Variants in MYO16 observed in about 807,000 individuals in gnomAD.
MYO16 encodes myosin XVI.
In MYO16, 94 loss-of-function variants were observed where a neutral mutation model predicts 205.3. That is an observed-to-expected ratio of 0.46 (90% confidence interval 0.39 to 0.54). MYO16 has a LOEUF of 0.54. MYO16 is among the 20% of genes least tolerant of loss of function. The pLI is 0.00. For synonymous variants in MYO16, 988 were observed against 954.0 expected (o/e 1.04, Z -0.66); for missense variants, 2,315 against 2,387.5 (o/e 0.97, Z 0.63).
Position 108,801,148 on chromosome 13 carries a change from T to TA in MYO16, c.742-5525dup, listed in dbSNP as rs1244642864. Among the ~76,000 whole-genome samples the TA allele has an allele frequency of 5.9e-5, 9 of 152,292 alleles. No homozygotes were observed. In the South Asian group the frequency reaches 1.0e-3, roughly 18 times the overall value. ...TATGCCGAGTTCATAGAAATTAATTTAAAAAACCACCTCTTACTAGAAAAT... is the reference window on the plus strand; with the variant it reads ...TATGCCGAGTTCATAGAAATTAATTTAAAAAAACCACCTCTTACTAGAAAAT... On this transcript the variant is annotated intron_variant, in intron 6 of 34. Transcript: ENST00000457511.
chr13:108,546,933 G>GA, the MYO16 span, among the ~76,000 whole-genome samples: 1 of 152,142 alleles, frequency 6.6e-6, no homozygotes, highest in Admixed American at 6.5e-5. Context: ...GAAAGGCATA[G>GA]AACAGAATCA....
intron 4 of MYO16, among the ~76,000 whole-genome samples, chr13:108,736,023 C>A (rs1314862650): frequency 2.6e-5 from 4 of 151,806 alleles, no homozygotes; most frequent in Non-Finnish European, 5.9e-5. Context: ...TGTTTGAGTT[C>A]TTTGTAGATC....
chr13:109,048,520 C>A lies in MYO16; in HGVS notation c.2872+1529C>A, dbSNP rs1594501059. 1.6e-5 allele frequency: 7 copies of A among 446,260 alleles called. No individual in the cohort carries two copies. The East Asian group carries it at 2.2e-4, about 14-fold the overall frequency. 27.6% of individuals were successfully genotyped at this position (446,260 alleles called of 1,614,324 possible). ...TTATAATGTGAAAAACAGCTGTAGACAATACAAATGGATGTGACTGTATTC... is the reference window on the plus strand; with the variant it reads ...TTATAATGTGAAAAACAGCTGTAGAAAATACAAATGGATGTGACTGTATTC... On this transcript the variant is annotated intron_variant, in intron 24 of 34. Coordinates refer to ENST00000457511, the MANE Select transcript of MYO16 (RefSeq NM_001198950.3).
intron 33 of MYO16, among the ~76,000 whole-genome samples, chr13:109,172,863 C>T (rs1227130899): frequency 6.6e-6 from 1 of 152,180 alleles, no homozygotes; most frequent in Non-Finnish European, 1.5e-5. Flanking sequence ...GAATTCGTTT[C>T]TCTGAAACCA....
intron 2 of MYO16, among the ~76,000 whole-genome samples, chr13:108,698,971 G>A (rs1399085897): frequency 6.6e-6 from 1 of 152,060 alleles, no homozygotes; most frequent in African/African-American, 2.4e-5. Context: ...AAACAGCACT[G>A]TGATACAGTC....
At chr13:108,518,694 C>G in the MYO16 span, among the ~76,000 whole-genome samples, 7 of 151,892 alleles carry the variant, frequency 4.6e-5, no homozygotes, top group Admixed American at 4.6e-4. Flanking sequence ...GTCAAAACAA[C>G]GGAAAAAGTA....
Position 108,727,556 on chromosome 13 carries a change from C to T in MYO16, c.480C>T (p.Asn160=). ...TPMHIACACD[N]PDIVLLLVLA... is the part of the protein sequence containing the mutation. ...TGCACATTGCCTGTGCCTGCGATAA[C>T]CCTGATATTGTCCTGCTTCTTGTAT... The change falls in exon 4 of 35, where the codon AAC becomes AAT. Residue 160 remains asparagine, a synonymous_variant. Transcript: ENST00000457511. 6.2e-7 allele frequency: 1 copy of T among 1,613,318 alleles called. No individual in the cohort carries two copies. Among genetic ancestry groups the T allele is most frequent in the East Asian group, 2.2e-5 (1 of 44,862 alleles).
Position 108,789,653 on chromosome 13 carries a change from T to C in MYO16, c.617-3863T>C, listed in dbSNP as rs115822349. Among the ~76,000 whole-genome samples the C allele has an allele frequency of 5.1e-3, 783 of 152,324 alleles. 4 individuals are homozygous for C. The highest frequency in any genetic ancestry group is 0.018 in the African/African-American group (739 of 41,576). On this transcript the variant is annotated intron_variant, in intron 5 of 34. Coordinates refer to ENST00000457511, the MANE Select transcript of MYO16 (RefSeq NM_001198950.3). The stretch of plus-strand genomic sequence containing the variant: ...CCTGTTTATTTCTGTTTGCTGGAAC[T>C]ACTTTATTTGCCTGCTCAGCTCTTT...
chr13:108,868,250 A>G (rs543330017), intron 12 of MYO16, among the ~76,000 whole-genome samples: 3 of 152,174 alleles, frequency 2.0e-5, no homozygotes, highest in Non-Finnish European at 4.4e-5. Context: ...ACTAAGGTAT[A>G]TCTACAACTT....
upstream of MYO16, among the ~76,000 whole-genome samples, chr13:108,627,951 A>T (rs1430152736): frequency 6.6e-6 from 1 of 152,194 alleles, no homozygotes; most frequent in Non-Finnish European, 1.5e-5. Flanking sequence ...GGACATCTAC[A>T]TGGATACAAC....
intron 4 of MYO16, among the ~76,000 whole-genome samples, chr13:108,735,997 T>C (rs1337291300): frequency 6.6e-6 from 1 of 152,066 alleles, no homozygotes; most frequent in Non-Finnish European, 1.5e-5. Context: ...GTTGTTTGTT[T>C]TTTTTCTTGT....
chr13:108,910,249 G>A, intron 16 of MYO16, 99 bp downstream of exon 16: 3 of 1,309,956 alleles, frequency 2.3e-6, no homozygotes, highest in Non-Finnish European at 3.2e-6. Context: ...GAGACAAAAT[G>A]GTGAGTAAAA....
chr13:108,641,340 G>A (rs535295676), intron 1 of MYO16, among the ~76,000 whole-genome samples: 58 of 152,270 alleles, frequency 3.8e-4, no homozygotes, highest in Non-Finnish European at 7.4e-4. Flanking sequence ...AAGGAAAGAT[G>A]AAAGAGACTT....
At chr13:108,883,992 A>G (rs537385012) in intron 13 of MYO16, among the ~76,000 whole-genome samples, 4 of 152,322 alleles carry the variant, frequency 2.6e-5, no homozygotes, top group South Asian at 2.1e-4. Flanking sequence ...AATTAAAGAA[A>G]CATTTAAATG....
At chr13:108,877,623 A>C (rs773680160) in intron 12 of MYO16, among the ~76,000 whole-genome samples, 7 of 152,170 alleles carry the variant, frequency 4.6e-5, no homozygotes, top group Non-Finnish European at 8.8e-5. Flanking sequence ...AGCACGAGAG[A>C]GCTTTCCAAC....
chr13:108,962,327 G>A (rs988216129), intron 18 of MYO16, 97 bp from the exon 19 acceptor site: 3 of 847,758 alleles, frequency 3.5e-6, no homozygotes, highest in Non-Finnish European at 5.7e-6. Flanking sequence ...TTTGTAATGT[G>A]CCTATATAAA....
At position 108,996,913 on chromosome 13, in the gene MYO16, T is replaced by C. The variant is rs113073995; in HGVS notation, c.2442+4465T>C. 3.5e-3 allele frequency among the ~76,000 whole-genome samples: 538 copies of C among 152,334 alleles called. 6 individuals are homozygous for C. Among genetic ancestry groups the C allele is most frequent in the African/African-American group, 0.012 (515 of 41,580 alleles). On this transcript the variant is annotated intron_variant, in intron 21 of 34. Coordinates refer to ENST00000457511, the MANE Select transcript of MYO16 (RefSeq NM_001198950.3). ...TCATTTAACCTACAAATAATTTCCCTACATTCTCCCACTAAACACATACAT... is the reference window on the plus strand; with the variant it reads ...TCATTTAACCTACAAATAATTTCCCCACATTCTCCCACTAAACACATACAT...
In MYO16 at chr13:109,154,337, T is replaced by C. The variant is rs556951558; in HGVS notation, c.5165-10564T>C. Among the ~76,000 whole-genome samples, 14 of 152,264 alleles carry C rather than the reference T, an allele frequency of 9.2e-5. No homozygotes were observed. In the Middle Eastern group the frequency reaches 0.02, roughly 222 times the overall value. ...CGCCTTGGGTGGCCTGGCCCGGGCCTGCCACGTTTCTCCTTGGTGAAATGT... is the reference window on the plus strand; with the variant it reads ...CGCCTTGGGTGGCCTGGCCCGGGCCCGCCACGTTTCTCCTTGGTGAAATGT... On this transcript the variant is annotated intron_variant, in intron 32 of 34. Transcript: ENST00000457511.
At chr13:108,650,945 T>C (rs200432262) in intron 1 of MYO16, among the ~76,000 whole-genome samples, 13 of 152,198 alleles carry the variant, frequency 8.5e-5, no homozygotes, top group Non-Finnish European at 1.3e-4. Context: ...GTAGCTACGA[T>C]GGGATGTGCC....
Sources: gnomAD v4.1 joint callset for allele counts (sites outside exome capture counted in the v4.1 genomes callset) on GRCh38, gnomAD v4.1.1 for gene constraint, MANE v1.5 for transcripts, NCBI Gene and HGNC (gene_info 2026-07-23, HGNC 2026-07-21) for gene names.